The following SSH3 variants were observed in gnomAD, a reference collection of about 807,000 sequenced individuals.
SSH3 encodes slingshot protein phosphatase 3.
In SSH3, 67 loss-of-function variants were observed where a neutral mutation model predicts 75.0. The ratio of observed to expected loss-of-function variants is 0.89; its 90% CI spans 0.73 to 1.10. SSH3 has a LOEUF of 1.10. SSH3 is among the 50% of genes least tolerant of loss of function. SSH3 has a pLI of 0.00. For missense variants in SSH3, 824 were observed against 872.7 expected (o/e 0.94, Z 0.70); for synonymous variants, 318 against 349.2 (o/e 0.91, Z 1.00).
rs1268716984 is a variant in SSH3, at chr11:67,312,029, A to T, written c.*142A>T. Reference sequence around the variant, plus strand: ...TACAGCCTCACCTCCCACCCCTGTCACTACGGCCTCACCTCCCACCCCTGT... The same window carrying T: ...TACAGCCTCACCTCCCACCCCTGTCTCTACGGCCTCACCTCCCACCCCTGT... On this transcript the variant is annotated 3_prime_UTR_variant, in exon 14 of 14. Coordinates refer to ENST00000308127, the MANE Select transcript of SSH3 (RefSeq NM_017857.4). 1.8e-6 allele frequency: 2 copies of T among 1,128,568 alleles called. No individual in the cohort carries two copies. The highest frequency in any genetic ancestry group is 2.4e-6 in the Non-Finnish European group (2 of 835,850). The allele number at this position is 1,128,568 out of a possible 1,614,324, so 69.9% of individuals were successfully genotyped here.
At chr11:67,311,247 ACCT>A (rs1861404211) in intron 13 of SSH3, among the ~76,000 whole-genome samples, 1 of 152,096 alleles carries the variant, frequency 6.6e-6, no homozygotes, top group Non-Finnish European at 1.5e-5. Context: ...CACGGGTTTC[ACCT>A]GCCGGCTGCC....
At chr11:67,303,909 G>A (rs1005232550) in intron 1 of SSH3, 1 of 777,814 alleles carries the variant, frequency 1.3e-6, no homozygotes, top group Non-Finnish European at 1.9e-6. Flanking sequence ...CCCGATCTGA[G>A]CGCGCCCCCC....
At position 67,308,268 on chromosome 11, in the gene SSH3, A is replaced by T; in HGVS notation, c.980A>T (p.Asp327Val). The stretch of plus-strand genomic sequence containing the variant: ...ATGCTGCTGCTGGTGGCACAGCGGG[A>T]CCGAGCCTCCCGCATCTTCCCCCAC... ...NQMLLLVAQR[D>V]RASRIFPHLY... The change falls in exon 9 of 14, where the codon GAC becomes GTC. Residue 327 changes from aspartate to valine, a missense_variant. Transcript: ENST00000308127. This position sits in a 1 kb window ranked among gnomAD's most constrained non-coding sequence, Gnocchi z 4.9. 1.2e-6 allele frequency: 2 copies of T among 1,614,106 alleles called. No individual in the cohort carries two copies. The highest frequency in any genetic ancestry group is 1.7e-6 in the Non-Finnish European group (2 of 1,180,022).
chr11:67,303,727 T>A, intron 1 of SSH3, 36 bp downstream of exon 1: 1 of 1,447,498 alleles, frequency 6.9e-7, no homozygotes, highest in Non-Finnish European at 9.0e-7. Context: ...GCCCACGCAG[T>A]TGCTGCCCCG....
Position 67,308,243 on chromosome 11 carries a change from A to G in SSH3, c.955A>G (p.Met319Val), listed in dbSNP as rs1432763722. ...QQYRDFIDNQ[M>V]LLLVAQRDRA... is the part of the protein sequence containing the mutation. The stretch of plus-strand genomic sequence containing the variant: ...GTACCGTGACTTCATCGACAACCAG[A>G]TGCTGCTGCTGGTGGCACAGCGGGA... The change falls in exon 9 of 14, where the codon ATG becomes GTG. Residue 319 changes from methionine (M) to valine (V), a missense_variant. Met to Val is a conservative substitution (Grantham distance 21, BLOSUM62 1). Transcript: ENST00000308127. This position sits in a 1 kb window ranked among gnomAD's most constrained non-coding sequence, Gnocchi z 4.9. 6.2e-7 allele frequency: 1 copy of G among 1,614,118 alleles called. No individual in the cohort carries two copies. Among genetic ancestry groups the G allele is most frequent in the African/African-American group, 1.3e-5 (1 of 75,054 alleles).
In SSH3 at chr11:67,307,230, C is replaced by G; in HGVS notation, c.536+117C>G. The G allele has an allele frequency of 6.4e-7, 1 of 1,553,714 alleles. No homozygotes were observed. ...CTTTAGGCTGGGACTCTGGGGCCTG[C>G]TCCCAGCTCCACGTCAGATTCACCG... On this transcript the variant is annotated intron_variant, in intron 5 of 13. Transcript: ENST00000308127. This position sits in a 1 kb window ranked among gnomAD's most constrained non-coding sequence, Gnocchi z 4.2.
At position 67,304,852 on chromosome 11, in the gene SSH3, T is replaced by C. The variant is rs1238160381; in HGVS notation, c.184T>C (p.Ser62Pro). 6.2e-7 allele frequency: 1 copy of C among 1,613,646 alleles called. No homozygotes were observed. Among genetic ancestry groups the C allele is most frequent in the Non-Finnish European group, 8.5e-7 (1 of 1,180,000 alleles). Residue 62 changes from serine (S) to proline (P), a missense_variant, in exon 3 of 14, where the codon TCT (serine) becomes CCT (proline). Physicochemically the swap from Ser to Pro is moderately conservative, Grantham distance 74. Transcript: ENST00000308127. ...GDNDDAAEAS[S>P]EPTEKAPSEE... The stretch of plus-strand genomic sequence containing the variant: ...CAATGATGATGCAGCAGAGGCCAGT[T>C]CTGAGCCAACAGAGAAGGCCCCGAG...
chr11:67,304,135 A>G lies in SSH3; in HGVS notation c.84A>G (p.Arg28=), dbSNP rs1182839546. The change falls in exon 2 of 14, where the codon CGA becomes CGG. Residue 28 remains arginine, a synonymous_variant. Coordinates refer to ENST00000308127, the MANE Select transcript of SSH3 (RefSeq NM_017857.4). ...CTCCGCAGGACCAGGCGGTCCAGCG[A>G]AGGAGTCGACTCCAGCGAAGGTGAG... ...PVGPWDQAVQ[R]RSRLQRRQSF... 1.9e-6 allele frequency: 3 copies of G among 1,599,314 alleles called. No homozygotes were observed. In the East Asian group the frequency reaches 6.7e-5, roughly 36 times the overall value.
Position 67,307,144 on chromosome 11 carries a change from G to A in SSH3, c.536+31G>A. 1 of 1,610,836 alleles carries A rather than the reference G, an allele frequency of 6.2e-7. No individual in the cohort carries two copies. The highest frequency in any genetic ancestry group is 8.5e-7 in the Non-Finnish European group (1 of 1,179,612). Reference sequence around the variant, plus strand: ...CAATGGCAACTGGAGGTGGGGGCTGGAGGGTGGAATAACTGAGTGTGACGG... The same window carrying A: ...CAATGGCAACTGGAGGTGGGGGCTGAAGGGTGGAATAACTGAGTGTGACGG... On this transcript the variant is annotated intron_variant, in intron 5 of 13. Coordinates refer to ENST00000308127, the MANE Select transcript of SSH3 (RefSeq NM_017857.4). This position sits in a 1 kb window ranked among gnomAD's most constrained non-coding sequence, Gnocchi z 4.2.
At chr11:67,304,236 C>A in intron 2 of SSH3, 81 bp downstream of exon 2, 1 of 1,125,980 alleles carries the variant, frequency 8.9e-7, no homozygotes, top group South Asian at 1.4e-5. Context: ...GCTGCAGGGA[C>A]AGAAAGCTCC....
rs1861285733 is a variant in SSH3 at position 67,307,692 on chromosome 11, T to C, written c.746T>C (p.Met249Thr). The C allele has an allele frequency of 6.2e-7, 1 of 1,614,012 alleles. No individual in the cohort carries two copies. Among genetic ancestry groups the C allele is most frequent in the Non-Finnish European group, 8.5e-7 (1 of 1,180,030 alleles). The change falls in exon 7 of 14, where the codon ATG becomes ACG. Residue 249 changes from methionine to threonine, a missense_variant. Coordinates refer to ENST00000308127, the MANE Select transcript of SSH3 (RefSeq NM_017857.4). The surrounding 1 kb of genome is among the most constrained non-coding windows in gnomAD (Gnocchi z 4.2). Reference protein sequence around the residue: ...EQSCLNEWTAMADLESLRPPS... With the variant: ...EQSCLNEWTATADLESLRPPS... Reference sequence around the variant, plus strand: ...AGCTGCCTCAATGAGTGGACGGCTATGGCCGACCTGGAGTCTCTGCGGCCT... The same window carrying C: ...AGCTGCCTCAATGAGTGGACGGCTACGGCCGACCTGGAGTCTCTGCGGCCT...
Position 67,304,913 on chromosome 11 carries a change from G to T in SSH3, c.245G>T (p.Gly82Val). 1 of 1,613,786 alleles carries T rather than the reference G, an allele frequency of 6.2e-7. No individual in the cohort carries two copies. The highest frequency in any genetic ancestry group is 8.5e-7 in the Non-Finnish European group (1 of 1,180,010). The change falls in exon 3 of 14, where the codon GGG (glycine) becomes GTG (valine). Residue 82 changes from glycine to valine, a missense_variant. By Grantham distance (109) the Gly-to-Val change is moderately radical (BLOSUM62 -3). Transcript: ENST00000308127. ...CTCCACGGGGACCAGACAGACTTCG[G>T]GCAAGGATCCCAGAGTCCCCAGAAG... ...EELHGDQTDF[G>V]QGSQSPQKQE...
In SSH3 at chr11:67,309,450, G is replaced by A. The variant is rs1861347220; in HGVS notation, c.1115G>A (p.Arg372His). The change falls in exon 11 of 14, where the codon CGC becomes CAC. Residue 372 changes from arginine (R) to histidine (H), a missense_variant. Transcript: ENST00000308127. ...GAGATTGACAACTTCTACCCTGAGC[G>A]CTTCACCTACCACAATGTGCGCCTC... ...AREIDNFYPE[R>H]FTYHNVRLWD... The A allele has an allele frequency of 3.7e-6, 6 of 1,614,122 alleles. No homozygotes were observed. Among genetic ancestry groups the A allele is most frequent in the Non-Finnish European group, 5.1e-6 (6 of 1,180,032 alleles).
At chr11:67,305,478 G>A (rs1311884342) in intron 3 of SSH3, among the ~76,000 whole-genome samples, 4 of 152,196 alleles carry the variant, frequency 2.6e-5, no homozygotes, top group South Asian at 2.1e-4. Flanking sequence ...GTGAGCCACC[G>A]CGCCCGGCCT....
intron 1 of SSH3, 197 bp downstream of exon 1, chr11:67,303,888 GC>G (rs1861142870): frequency 1.3e-6 from 1 of 752,766 alleles, no homozygotes; most frequent in African/African-American, 1.9e-5. Flanking sequence ...CGCCGCCCGG[GC>G]TGCGGAGGCC....
intron 12 of SSH3, 30 bp downstream of exon 12, chr11:67,309,998 G>T: frequency 6.2e-7 from 1 of 1,608,976 alleles, no homozygotes; most frequent in Non-Finnish European, 8.5e-7. Flanking sequence ...GGCAGGGGGT[G>T]AGTAGGTGGG....
Position 67,310,465 on chromosome 11 carries a change from G to A in SSH3, c.1683+126G>A, listed in dbSNP as rs1253583350. On this transcript the variant is annotated intron_variant, in intron 13 of 13. Coordinates refer to ENST00000308127, the MANE Select transcript of SSH3 (RefSeq NM_017857.4). ...GGCGTACCCGGGCTAAGTCTGGCCC[G>A]CCCATGCAGGGTGTCCTGGGAGGAC... The A allele has an allele frequency of 1.1e-5, 14 of 1,258,616 alleles. No individual in the cohort carries two copies. In the East Asian group the frequency reaches 1.5e-4, roughly 14 times the overall value. The allele number at this position is 1,258,616 out of a possible 1,614,324, so 78.0% of individuals were successfully genotyped here.
At position 67,309,751 on chromosome 11, in the gene SSH3, C is replaced by A; in HGVS notation, c.1209-17C>A. ...TCATGGTGAGGGGAGGGTGCTGAAC[C>A]TGGCCTGCTTCCACAGAGCACAGGG... On this transcript the variant is annotated splice_polypyrimidine_tract_variant and intron_variant, in intron 11 of 13. Coordinates refer to ENST00000308127, the MANE Select transcript of SSH3 (RefSeq NM_017857.4). The A allele has an allele frequency of 6.2e-7, 1 of 1,611,748 alleles. No individual in the cohort carries two copies. Among genetic ancestry groups the A allele is most frequent in the Non-Finnish European group, 8.5e-7 (1 of 1,179,826 alleles).
chr11:67,308,861 C>T lies in SSH3; in HGVS notation c.1061+403C>T, dbSNP rs1220586429. On this transcript the variant is annotated intron_variant, in intron 10 of 13. Transcript: ENST00000308127. The surrounding 1 kb of genome is among the most constrained non-coding windows in gnomAD (Gnocchi z 4.9). ...CCTGGAGATTGAGGCCGCAGTGAGC[C>T]GTGATCACGCCACTGCACTCCAGCC... Among the ~76,000 whole-genome samples the T allele has an allele frequency of 2.0e-5, 3 of 152,020 alleles. No individual in the cohort carries two copies. The highest frequency in any genetic ancestry group is 4.4e-5 in the Non-Finnish European group (3 of 68,012).
Sources: allele counts gnomAD v4.1 joint callset (sites outside exome capture counted in the v4.1 genomes callset), GRCh38; gene constraint gnomAD v4.1.1; non-coding constraint Gnocchi (gnomAD v3.1); transcripts MANE v1.5; gene names NCBI Gene and HGNC (gene_info 2026-07-23, HGNC 2026-07-21).